The following HGSNAT variants were observed in gnomAD, a reference collection of about 807,000 sequenced individuals.
The protein encoded by HGSNAT is transmembrane protein 76.
In HGSNAT, 59 loss-of-function variants were observed where a neutral mutation model predicts 85.2. That is an observed-to-expected ratio of 0.69 (90% CI 0.56 to 0.86). The LOEUF is 0.86. Among genes scored for constraint, HGSNAT ranks in the 40% least tolerant of loss-of-function variants. The pLI is 0.00. For missense variants in HGSNAT, 756 were observed against 777.1 expected (o/e 0.97, Z 0.32); for synonymous variants, 321 against 304.5 (o/e 1.05, Z -0.56).
At chr8:43,148,912 T>C (rs1237893095) in intron 2 of HGSNAT, among the ~76,000 whole-genome samples, 2 of 151,492 alleles carry the variant, frequency 1.3e-5, no homozygotes, top group Non-Finnish European at 2.9e-5. Flanking sequence ...GGTCAGGAGT[T>C]TGAGACCAGC....
intron 5 of HGSNAT, 35 bp downstream of exon 5, chr8:43,161,542 A>C: frequency 6.5e-7 from 1 of 1,529,612 alleles, no homozygotes; most frequent in Non-Finnish European, 8.9e-7. Flanking sequence ...CTGGAAAGGC[A>C]GAGTATAGAA....
chr8:43,157,797 A>G (rs1158681505), intron 2 of HGSNAT, among the ~76,000 whole-genome samples: 3 of 152,252 alleles, frequency 2.0e-5, no homozygotes, highest in African/African-American at 2.4e-5. Flanking sequence ...ATAAAACAAA[A>G]CAAAAAAGTA....
intron 11 of HGSNAT, among the ~76,000 whole-genome samples, chr8:43,186,333 C>G (rs1457838801): frequency 2.6e-5 from 4 of 152,106 alleles, no homozygotes; most frequent in African/African-American, 7.2e-5. Context: ...TTGTTCTATT[C>G]AGGGATTCAA....
At chr8:43,141,218 T>G (rs1802521839) in intron 1 of HGSNAT, among the ~76,000 whole-genome samples, 1 of 152,060 alleles carries the variant, frequency 6.6e-6, no homozygotes, top group Admixed American at 6.5e-5. Flanking sequence ...GGGCGCGGCC[T>G]GCAGCCCGGT....
intron 8 of HGSNAT, 23 bp downstream of exon 8, chr8:43,172,409 T>C: frequency 1.3e-6 from 2 of 1,503,606 alleles, no homozygotes; most frequent in Non-Finnish European, 1.9e-6. Context: ...CTAAAAGTAA[T>C]GTTGCTTATA....
intron 1 of HGSNAT, 133 bp from the exon 2 acceptor site, chr8:43,146,815 C>G (rs577650084): frequency 7.5e-5 from 45 of 598,194 alleles, no homozygotes; most frequent in African/African-American, 6.3e-4. Flanking sequence ...GTGTGAGAGA[C>G]CCCAGAAATC....
chr8:43,143,364 C>T (rs561184783), intron 1 of HGSNAT, among the ~76,000 whole-genome samples: 2 of 152,240 alleles, frequency 1.3e-5, no homozygotes, highest in South Asian at 2.1e-4. Flanking sequence ...TCTGGCTGGG[C>T]TTATAGGGAG....
intron 10 of HGSNAT, 43 bp downstream of exon 10, chr8:43,178,277 A>G: frequency 7.4e-7 from 1 of 1,360,524 alleles, no homozygotes; most frequent in Non-Finnish European, 9.8e-7. Context: ...AGGTTGAAAT[A>G]TGGAAACTAT....
intron 11 of HGSNAT, among the ~76,000 whole-genome samples, chr8:43,187,668 A>G (rs908807223): frequency 1.3e-5 from 2 of 152,116 alleles, no homozygotes; most frequent in African/African-American, 4.8e-5. Context: ...GTTATGTGTG[A>G]ATTTGATCCT....
At chr8:43,154,905 C>T (rs758164015) in intron 2 of HGSNAT, among the ~76,000 whole-genome samples, 7 of 152,130 alleles carry the variant, frequency 4.6e-5, no homozygotes, top group Non-Finnish European at 1.0e-4. Context: ...AAGATGGTAT[C>T]TCATTGTGGT....
chr8:43,165,222 T>TC (rs756377766), intron 5 of HGSNAT, among the ~76,000 whole-genome samples: 4 of 152,102 alleles, frequency 2.6e-5, no homozygotes, highest in Non-Finnish European at 4.4e-5. Context: ...CTATTATATC[T>TC]GTTATGGTGA....
At chr8:43,144,054 C>A (rs972247616) in intron 1 of HGSNAT, among the ~76,000 whole-genome samples, 1 of 152,030 alleles carries the variant, frequency 6.6e-6, no homozygotes, top group Non-Finnish European at 1.5e-5. Flanking sequence ...TGTGGTGGCT[C>A]ACGCCTGTAG....
chr8:43,167,919 CTTTCT>C (rs1298527346), intron 5 of HGSNAT: 5 of 272,490 alleles, frequency 1.8e-5, no homozygotes, highest in South Asian at 3.0e-5. Context: ...TCTTTTCTTT[CTTTCT>C]TTTTTTTTTT....
intron 2 of HGSNAT, among the ~76,000 whole-genome samples, chr8:43,148,131 A>G (rs1802774132): frequency 6.6e-6 from 1 of 151,820 alleles, no homozygotes; most frequent in African/African-American, 2.4e-5. Flanking sequence ...AATCCCAGCT[A>G]CTTGGGAGGC....
chr8:43,161,708 G>A (rs1803273510), intron 5 of HGSNAT, among the ~76,000 whole-genome samples: 1 of 152,230 alleles, frequency 6.6e-6, no homozygotes, highest in African/African-American at 2.4e-5. Context: ...GATATTAAAG[G>A]TGCTTGTGGA....
chr8:43,165,121 C>T (rs961742268), intron 5 of HGSNAT, among the ~76,000 whole-genome samples: 2 of 126,452 alleles, frequency 1.6e-5, no homozygotes, highest in Non-Finnish European at 3.2e-5. Context: ...TTGAGTAATT[C>T]TGTTGGCACC....
At chr8:43,169,824 A>G (rs1803555807) in intron 6 of HGSNAT, among the ~76,000 whole-genome samples, 1 of 152,050 alleles carries the variant, frequency 6.6e-6, no homozygotes, top group Non-Finnish European at 1.5e-5. Flanking sequence ...GTTTAGAAAA[A>G]CTTTTTTATT....
chr8:43,159,168 A>C (rs1028197035), intron 4 of HGSNAT, 124 bp downstream of exon 4: 17 of 840,782 alleles, frequency 2.0e-5, no homozygotes, highest in Middle Eastern at 2.4e-4. Context: ...ATCTTAGGTC[A>C]TTGATGAGCA....
In HGSNAT at chr8:43,199,403, T is replaced by C. The variant is rs1289280677; in HGVS notation, c.1742T>C (p.Leu581Pro). The change falls in exon 18 of 18, where the codon CTG (leucine) becomes CCG (proline). Residue 581 changes from leucine (L) to proline (P), a missense_variant. Transcript: ENST00000379644. ...PFFYPGMNSI[L>P]VYVGHEVFEN... ...TCTCCTTAAGGAATGAATTCCATTC[T>C]GGTATATGTCGGCCACGAGGTGTTT... The C allele has an allele frequency of 1.9e-6, 3 of 1,598,576 alleles. No homozygotes were observed. The highest frequency in any genetic ancestry group is 2.6e-6 in the Non-Finnish European group (3 of 1,171,276).
Sources: gnomAD v4.1 joint callset for allele counts (sites outside exome capture counted in the v4.1 genomes callset) on GRCh38, gnomAD v4.1.1 for gene constraint, MANE v1.5 for transcripts, NCBI Gene and HGNC (gene_info 2026-07-23, HGNC 2026-07-21) for gene names.